Variants in FAF1 observed in about 807,000 individuals in gnomAD.
FAF1 encodes the protein Fas associated factor 1, also known as FAS-associated factor 1.
FAF1 carries 25 observed loss-of-function variants against 92.5 expected under a neutral mutation model. That is an observed-to-expected ratio of 0.27 (90% CI 0.20 to 0.38). The LOEUF (loss-of-function observed/expected upper bound fraction) is 0.38. Among genes scored for constraint, FAF1 ranks in the 10% least tolerant of loss-of-function variants. The probability of loss-of-function intolerance (pLI) is 1.00; values close to 1 mark genes in which losing one functional copy is unlikely to be tolerated. For synonymous variants in FAF1, 234 were observed against 273.2 expected (o/e 0.86, Z 1.42); for missense variants, 636 against 793.3 (o/e 0.80, Z 2.38).
intron 2 of FAF1, among the ~76,000 whole-genome samples, chr1:50,833,778 T>G (rs895699955): frequency 1.3e-5 from 2 of 152,136 alleles, no homozygotes; most frequent in African/African-American, 4.8e-5. Context: ...AAGACCTCTG[T>G]GCCAAAACTC....
intron 6 of FAF1, among the ~76,000 whole-genome samples, chr1:50,727,084 T>C (rs72900983): frequency 0.066 from 10,043 of 152,320 alleles, 406 homozygotes; most frequent in East Asian, 0.094. Flanking sequence ...GCCCTTCACT[T>C]AGATGGCCCC....
intron 4 of FAF1, among the ~76,000 whole-genome samples, chr1:50,770,071 T>G (rs577285151): frequency 3.3e-5 from 5 of 151,680 alleles, no homozygotes; most frequent in Admixed American, 6.6e-5. Flanking sequence ...ACAAAAAACC[T>G]TCAACAAACT....
chr1:50,522,832 T>C (rs1647576091), intron 15 of FAF1, among the ~76,000 whole-genome samples: 1 of 152,230 alleles, frequency 6.6e-6, no homozygotes, highest in South Asian at 2.1e-4. Context: ...ATCATAATGT[T>C]GTGAAACTAT....
At chr1:50,876,616 C>T (rs1218876567) in intron 1 of FAF1, among the ~76,000 whole-genome samples, 2 of 152,176 alleles carry the variant, frequency 1.3e-5, no homozygotes, top group Non-Finnish European at 2.9e-5. Context: ...GATGGAGTCT[C>T]ACTCTGTCAC....
intron 1 of FAF1, among the ~76,000 whole-genome samples, chr1:50,899,597 C>T (rs558578324): frequency 7.9e-5 from 12 of 152,108 alleles, no homozygotes; most frequent in South Asian, 2.1e-4. Context: ...GGAATACAGG[C>T]GCGTGCCACC....
chr1:50,707,604 G>C (rs1224861243), intron 6 of FAF1, among the ~76,000 whole-genome samples: 1 of 151,838 alleles, frequency 6.6e-6, no homozygotes, highest in African/African-American at 2.4e-5. Flanking sequence ...TGAGGCAGGA[G>C]AATCACTTGA....
At chr1:50,642,660 T>TAATAA (rs1399302748) in intron 8 of FAF1, among the ~76,000 whole-genome samples, 1 of 151,896 alleles carries the variant, frequency 6.6e-6, no homozygotes, top group Non-Finnish European at 1.5e-5. Flanking sequence ...AAAATAATAA[T>TAATAA]AATAAAATAA....
intron 12 of FAF1, among the ~76,000 whole-genome samples, chr1:50,567,621 TA>T (rs1322105564): frequency 1.3e-5 from 2 of 152,052 alleles, no homozygotes; most frequent in African/African-American, 4.8e-5. Flanking sequence ...AGAGAAAAAA[TA>T]TTCTTTAAAA....
At chr1:50,942,568 C>T (rs778003866) in intron 1 of FAF1, among the ~76,000 whole-genome samples, 11 of 152,092 alleles carry the variant, frequency 7.2e-5, no homozygotes, top group Non-Finnish European at 1.6e-4. Context: ...TGAGGGATTA[C>T]CTACCTTGCA....
intron 3 of FAF1, among the ~76,000 whole-genome samples, chr1:50,789,808 C>T (rs980334266): frequency 1.3e-5 from 2 of 152,166 alleles, no homozygotes; most frequent in African/African-American, 4.8e-5. Context: ...CTGAATCCTA[C>T]CTAGCTTTCC....
At chr1:50,782,910 C>A (rs1313412061) in intron 4 of FAF1, among the ~76,000 whole-genome samples, 1 of 151,692 alleles carries the variant, frequency 6.6e-6, no homozygotes, top group Non-Finnish European at 1.5e-5. Flanking sequence ...AGTAAGCATC[C>A]CATTAAGGTG....
Position 50,953,029 on chromosome 1 carries a change from T to G in FAF1, c.45+6738A>C, listed in dbSNP as rs528136927. On this transcript the variant is annotated intron_variant, in intron 1 of 18. Transcript: ENST00000396153. ...GTAGAAAGAAGTAGACATAGGAGACTCCATTTTGTTCTGTACTAAGAAAAA... is the reference window on the plus strand; with the variant it reads ...GTAGAAAGAAGTAGACATAGGAGACGCCATTTTGTTCTGTACTAAGAAAAA... 8.9e-4 allele frequency among the ~76,000 whole-genome samples: 136 copies of G among 152,338 alleles called. No homozygotes were observed. In the Middle Eastern group the frequency reaches 0.01, roughly 11 times the overall value.
At chr1:50,703,475 T>A (rs958802576) in intron 7 of FAF1, among the ~76,000 whole-genome samples, 4 of 152,064 alleles carry the variant, frequency 2.6e-5, no homozygotes, top group Non-Finnish European at 5.9e-5. Context: ...TTGTACAGAA[T>A]AAAACAGCCT....
rs763620552 is a variant in FAF1, at chr1:50,729,002, T to TTATCTATC, written c.551+9853_551+9860dup. ...AGGCTGAGAGAAGCCAAAGAAAACT[T>TTATCTATC]TATCTATCTATCTATCTATCTATCT... On this transcript the variant is annotated intron_variant, in intron 6 of 18. Transcript: ENST00000396153. 5.7e-4 allele frequency among the ~76,000 whole-genome samples: 65 copies of TTATCTATC among 114,928 alleles called. 4 individuals carry two copies. Among genetic ancestry groups the TTATCTATC allele is most frequent in the African/African-American group, 1.1e-3 (32 of 28,790 alleles). 75.4% of individuals were successfully genotyped at this position (114,928 alleles called of 152,430 possible). A position where few individuals can be genotyped will look rare whatever the true frequency, so the allele number is the denominator to read the frequency against.
At chr1:50,752,553 C>G (rs1462328767) in intron 4 of FAF1, among the ~76,000 whole-genome samples, 2 of 152,136 alleles carry the variant, frequency 1.3e-5, no homozygotes, top group African/African-American at 4.8e-5. Flanking sequence ...TTTTATTAAT[C>G]TTTTTAAAAA....
chr1:50,490,643 ATC>A lies in FAF1; in HGVS notation c.1596_1597del (p.Glu532AspfsTer19). ...CTGCTCCAAACGAAACTGTTCTGCC[ATC>A]TCTCTCTCGTGAGCTTCCCTCTGTT... On this transcript the variant is annotated frameshift_variant, in exon 17 of 19. Coordinates refer to ENST00000396153, the MANE Select transcript of FAF1 (RefSeq NM_007051.3). LOFTEE classifies it high-confidence loss of function. 1 of 1,612,664 alleles carries A rather than the reference ATC, an allele frequency of 6.2e-7. No homozygotes were observed. Among genetic ancestry groups the A allele is most frequent in the Non-Finnish European group, 8.5e-7 (1 of 1,178,660 alleles).
chr1:50,599,511 C>T (rs1651993108), intron 8 of FAF1, among the ~76,000 whole-genome samples: 2 of 152,198 alleles, frequency 1.3e-5, no homozygotes, highest in African/African-American at 4.8e-5. Flanking sequence ...TAAAAATCTC[C>T]AGTTCCATTT....
chr1:50,483,545 A>G (rs1299225598), intron 17 of FAF1, among the ~76,000 whole-genome samples: 1 of 152,168 alleles, frequency 6.6e-6, no homozygotes, highest in Non-Finnish European at 1.5e-5. Flanking sequence ...TTACTGTAAG[A>G]ATTCAGGTTT....
At chr1:50,718,007 A>AT (rs1297333183) in intron 6 of FAF1, among the ~76,000 whole-genome samples, 1 of 149,488 alleles carries the variant, frequency 6.7e-6, no homozygotes, top group African/African-American at 2.5e-5. Context: ...TTATTTATTT[A>AT]TTTATTTATT....
Sources: allele counts gnomAD v4.1 joint callset (sites outside exome capture counted in the v4.1 genomes callset), GRCh38; gene constraint gnomAD v4.1.1; transcripts MANE v1.5; gene names NCBI Gene and HGNC (gene_info 2026-07-23, HGNC 2026-07-21).